Variants in SOS1 observed in about 807,000 individuals in gnomAD.
SOS1 encodes SOS Ras/Rac guanine nucleotide exchange factor 1.
Under a neutral mutation model 157.6 loss-of-function variants are expected in SOS1, and 25 were observed. The observed-to-expected ratio is 0.16, with a 90% confidence interval of 0.12 to 0.22. The LOEUF (loss-of-function observed/expected upper bound fraction) is 0.22, where lower values mean the gene tolerates loss of function less well. SOS1 is among the 10% of genes least tolerant of loss of function. The probability of loss-of-function intolerance (pLI) is 1.00; values close to 1 mark genes in which losing one functional copy is unlikely to be tolerated. For missense variants in SOS1, 1,237 were observed against 1,599.1 expected (o/e 0.77, Z 3.86); for synonymous variants, 528 against 534.0 (o/e 0.99, Z 0.16).
intron 1 of SOS1, among the ~76,000 whole-genome samples, chr2:39,074,825 C>T (rs1671911271): frequency 6.6e-6 from 1 of 151,094 alleles, no homozygotes; most frequent in African/African-American, 2.4e-5. Context: ...CAAGATCGTG[C>T]CATTGCACTC....
intron 1 of SOS1, among the ~76,000 whole-genome samples, chr2:39,078,813 G>C (rs1207975340): frequency 1.3e-5 from 2 of 152,140 alleles, no homozygotes; most frequent in African/African-American, 2.4e-5. Flanking sequence ...TGTAATCCCA[G>C]CACTTTGGGA....
chr2:39,101,616 T>C (rs935208764), intron 1 of SOS1, among the ~76,000 whole-genome samples: 1 of 152,182 alleles, frequency 6.6e-6, no homozygotes, highest in South Asian at 2.1e-4. Context: ...GCAACATTTA[T>C]ATTAGGAGTA....
intron 1 of SOS1, among the ~76,000 whole-genome samples, chr2:39,113,201 T>C (rs1300727229): frequency 6.6e-6 from 1 of 152,134 alleles, no homozygotes; most frequent in Non-Finnish European, 1.5e-5. Flanking sequence ...TATTCATTAA[T>C]GTATTTAGAG....
At chr2:39,087,127 A>G in intron 1 of SOS1, among the ~76,000 whole-genome samples, 1 of 152,114 alleles carries the variant, frequency 6.6e-6, no homozygotes, top group East Asian at 1.9e-4. Context: ...GTTTTTGAAA[A>G]TTATAGTATT....
chr2:38,985,724 GGA>G lies in SOS1; in HGVS notation c.*98_*99del. Reference sequence around the variant, plus strand: ...TCTTGAAGAAGAGTCGTTAGTGTTTGGAGTTCTCATTTTAACTCCTCAGTGCT... The same window carrying G: ...TCTTGAAGAAGAGTCGTTAGTGTTTGGTTCTCATTTTAACTCCTCAGTGCT... On this transcript the variant is annotated 3_prime_UTR_variant, in exon 23 of 23. Transcript: ENST00000402219. 1.2e-6 allele frequency: 1 copy of G among 861,284 alleles called. No homozygotes were observed. 53.4% of individuals were successfully genotyped at this position (861,284 alleles called of 1,614,324 possible).
At chr2:39,108,057 A>G (rs979541548) in intron 1 of SOS1, among the ~76,000 whole-genome samples, 1 of 152,096 alleles carries the variant, frequency 6.6e-6, no homozygotes, top group Admixed American at 6.6e-5. Context: ...TCCTCTCCCA[A>G]TATTCCCCCT....
intron 17 of SOS1, among the ~76,000 whole-genome samples, chr2:39,005,098 T>G (rs530959207): frequency 6.6e-6 from 1 of 152,200 alleles, no homozygotes; most frequent in Non-Finnish European, 1.5e-5. Context: ...TAGGTAGTAC[T>G]AAACCCTATA....
chr2:39,045,231 T>TGAGAGA (rs1176994675), intron 6 of SOS1, among the ~76,000 whole-genome samples: 35 of 61,584 alleles, frequency 5.7e-4, no homozygotes, highest in South Asian at 1.7e-3. Context: ...TGTGAGGGAA[T>TGAGAGA]GAGAGAGAGA....
intron 6 of SOS1, among the ~76,000 whole-genome samples, chr2:39,045,732 C>T (rs1185309203): frequency 2.0e-5 from 3 of 152,016 alleles, no homozygotes; most frequent in Admixed American, 6.6e-5. Context: ...TTTTTTGAGA[C>T]GGAGTCTTGC....
chr2:39,040,958 G>C (rs1269311924), intron 6 of SOS1, among the ~76,000 whole-genome samples: 1 of 152,178 alleles, frequency 6.6e-6, no homozygotes, highest in African/African-American at 2.4e-5. Flanking sequence ...ATTTCTATCA[G>C]CAAAATACGA....
intron 5 of SOS1, among the ~76,000 whole-genome samples, chr2:39,052,266 G>A (rs1671044187): frequency 6.6e-6 from 1 of 151,478 alleles, no homozygotes; most frequent in Non-Finnish European, 1.5e-5. Flanking sequence ...ATTAAAATTG[G>A]TTACTATTAT....
chr2:39,028,260 C>G (rs1215062064), intron 8 of SOS1, among the ~76,000 whole-genome samples: 1 of 152,022 alleles, frequency 6.6e-6, no homozygotes, highest in Non-Finnish European at 1.5e-5. Flanking sequence ...ATGGTGTGTT[C>G]CATATGCAAA....
At chr2:39,004,841 T>A (rs1206983976) in intron 17 of SOS1, among the ~76,000 whole-genome samples, 2 of 151,948 alleles carry the variant, frequency 1.3e-5, no homozygotes, top group Non-Finnish European at 2.9e-5. Flanking sequence ...ACAAATAGCT[T>A]AGTAGTTGTA....
intron 1 of SOS1, among the ~76,000 whole-genome samples, chr2:39,115,854 A>G (rs892907222): frequency 4.6e-5 from 7 of 152,246 alleles, no homozygotes; most frequent in African/African-American, 1.7e-4. Flanking sequence ...AAGAGATGCC[A>G]TGAACATTCA....
chr2:39,112,962 G>A lies in SOS1; in HGVS notation c.87+7374C>T, dbSNP rs544706524. 6.6e-5 allele frequency among the ~76,000 whole-genome samples: 10 copies of A among 152,050 alleles called. No homozygotes were observed. In the South Asian group the frequency reaches 2.1e-3, roughly 32 times the overall value. ...GCTGAGGCAGAGTTGCTGGAACCTG[G>A]GAGGTGGAGGCTACAGTGAGCGGAG... On this transcript the variant is annotated intron_variant, in intron 1 of 22. Coordinates refer to ENST00000402219, the MANE Select transcript of SOS1 (RefSeq NM_005633.4).
At position 39,120,056 on chromosome 2, in the gene SOS1, G is replaced by A. The variant is rs1356992156; in HGVS notation, c.87+280C>T. Among the ~76,000 whole-genome samples the A allele has an allele frequency of 2.6e-5, 4 of 152,284 alleles. No individual in the cohort carries two copies. In the East Asian group the frequency reaches 5.8e-4, roughly 22 times the overall value. ...GCTGAAAACTGAGGCTCCTCCAACT[G>A]TTGTTGTCCTGGAATCAAAGGGCAA... is the stretch of plus-strand genomic sequence containing the variant. On this transcript the variant is annotated intron_variant, in intron 1 of 22. Coordinates refer to ENST00000402219, the MANE Select transcript of SOS1 (RefSeq NM_005633.4).
Position 39,058,656 on chromosome 2 carries a change from C to CA in SOS1, c.345+16dup. On this transcript the variant is annotated intron_variant, in intron 3 of 22. Transcript: ENST00000402219. ...ATTTTTCCCTTAAAAGGCAAGAAGGCAGTAGTTCAGCATTACCTTTAATAA... is the reference window on the plus strand; with the variant it reads ...ATTTTTCCCTTAAAAGGCAAGAAGGCAAGTAGTTCAGCATTACCTTTAATAA... 1.2e-6 allele frequency: 2 copies of CA among 1,611,230 alleles called. No homozygotes were observed. Among genetic ancestry groups the CA allele is most frequent in the Non-Finnish European group, 1.7e-6 (2 of 1,177,984 alleles).
intron 3 of SOS1, 37 bp downstream of exon 3, chr2:39,058,636 T>TC (rs1671296456): frequency 6.2e-7 from 1 of 1,605,546 alleles, no homozygotes; most frequent in South Asian, 1.1e-5. Flanking sequence ...GTTTTATTTT[T>TC]CCCTTAAAAG....
chr2:39,014,014 TG>T (rs1669548568), intron 11 of SOS1, 25 bp from the exon 12 acceptor site: 1 of 1,561,802 alleles, frequency 6.4e-7, no homozygotes, highest in Non-Finnish European at 8.8e-7. Flanking sequence ...AACAAATTAA[TG>T]AAAAGACTAA....
Sources: allele counts gnomAD v4.1 joint callset (sites outside exome capture counted in the v4.1 genomes callset), GRCh38; gene constraint gnomAD v4.1.1; transcripts MANE v1.5; gene names NCBI Gene and HGNC (gene_info 2026-07-23, HGNC 2026-07-21).